The following NAPEPLD variants were observed in gnomAD, a reference collection of about 807,000 sequenced individuals.
NAPEPLD encodes the protein N-acyl-phosphatidylethanolamine-hydrolyzing phospholipase D.
A neutral mutation model predicts 38.1 loss-of-function variants in NAPEPLD; 23 were observed. The observed-to-expected ratio is 0.60, with a 90% CI of 0.43 to 0.86. The LOEUF (loss-of-function observed/expected upper bound fraction) is 0.86. Ranked by LOEUF, NAPEPLD falls within the 40% of genes least tolerant of loss-of-function variation. The pLI, the probability that NAPEPLD is intolerant of heterozygous loss-of-function variation, is 0.00. For missense variants in NAPEPLD, 411 were observed against 476.8 expected (o/e 0.86, Z 1.28); for synonymous variants, 147 against 162.0 (o/e 0.91, Z 0.71).
At position 103,141,561 on chromosome 7, in the gene NAPEPLD, C is replaced by T; in HGVS notation, c.-17+7250G>A. 4.2e-6 allele frequency: 5 copies of T among 1,180,834 alleles called. No homozygotes were observed. In the South Asian group the frequency reaches 6.0e-5, roughly 14 times the overall value. The allele number at this position is 1,180,834 out of a possible 1,614,324, so 73.1% of individuals were successfully genotyped here. A position where few individuals can be genotyped will look rare whatever the true frequency, so the allele number is the denominator to read the frequency against. ...TTGTTTTTTAACACATTCCTCTTCA[C>T]CTTCAGGTACAGGCTGTGATACATG... is the stretch of plus-strand genomic sequence containing the variant. On this transcript the variant is annotated intron_variant, in intron 1 of 4. Coordinates refer to ENST00000465647, the MANE Select transcript of NAPEPLD (RefSeq NM_001122838.3).
intron 2 of NAPEPLD, among the ~76,000 whole-genome samples, chr7:103,120,710 T>TTTC (rs1806497302): frequency 2.6e-5 from 3 of 114,040 alleles, no homozygotes; most frequent in South Asian, 3.2e-4. Flanking sequence ...TCTTTTTTTT[T>TTTC]TTTTTTTTTT....
chr7:103,127,661 T>C (rs1040192358), intron 2 of NAPEPLD: 1 of 151,632 alleles, frequency 6.6e-6, no homozygotes, highest in Non-Finnish European at 1.5e-5. Flanking sequence ...CTCAGGAAAA[T>C]GGCATTGAGA....
At chr7:103,131,425 A>G (rs1808917097) in intron 1 of NAPEPLD, among the ~76,000 whole-genome samples, 1 of 152,080 alleles carries the variant, frequency 6.6e-6, no homozygotes, top group African/African-American at 2.4e-5. Context: ...TCAGGAGGCC[A>G]AGGCAGATGA....
Position 103,103,415 on chromosome 7 carries a change from T to C in NAPEPLD, c.*14A>G. The C allele has an allele frequency of 6.5e-7, 1 of 1,535,652 alleles. No homozygotes were observed. The highest frequency in any genetic ancestry group is 2.4e-5 in the Admixed American group (1 of 42,404). On this transcript the variant is annotated 3_prime_UTR_variant, in exon 5 of 5. Transcript: ENST00000465647. Reference sequence around the variant, plus strand: ...TGATGCCTTTTTCATTAAAAGTGCCTGTGCTCACATTTATTAAAAGTTTTC... The same window carrying C: ...TGATGCCTTTTTCATTAAAAGTGCCCGTGCTCACATTTATTAAAAGTTTTC...
intron 2 of NAPEPLD, among the ~76,000 whole-genome samples, chr7:103,125,834 C>T (rs1039328208): frequency 1.3e-5 from 2 of 151,526 alleles, no homozygotes; most frequent in Non-Finnish European, 2.9e-5. Flanking sequence ...TTGCAGTGAG[C>T]CAAGATGGCG....
At chr7:103,145,173 AAAG>A (rs1812283810) in intron 1 of NAPEPLD, among the ~76,000 whole-genome samples, 1 of 152,246 alleles carries the variant, frequency 6.6e-6, no homozygotes, top group Admixed American at 6.5e-5. Flanking sequence ...TGAAGATTAT[AAAG>A]TAAGATGTGA....
upstream of NAPEPLD, chr7:103,149,143 C>A (rs1289944703): frequency 1.0e-6 from 1 of 988,978 alleles, no homozygotes; most frequent in African/African-American, 1.7e-5. Context: ...GCAGAGAGGT[C>A]ACAGAGCACA....
chr7:103,143,516 A>T (rs553197032), intron 1 of NAPEPLD, among the ~76,000 whole-genome samples: 3 of 152,294 alleles, frequency 2.0e-5, no homozygotes, highest in Middle Eastern at 3.4e-3. Context: ...ACTTTGAACA[A>T]TGTGATACGA....
Position 103,119,579 on chromosome 7 carries a change from C to T in NAPEPLD, c.939G>A (p.Pro313=), listed in dbSNP as rs148319078. Residue 313 remains proline (P), a splice_region_variant and synonymous_variant, in exon 3 of 5, where the codon CCG becomes CCA. Coordinates refer to ENST00000465647, the MANE Select transcript of NAPEPLD (RefSeq NM_001122838.3). ...GTTTTCTTTGGAAGTCTACATACCT[C>T]GGTTCATAAGCTCCGATGGGAATAG... ...LAAIPIGAYE[P]RWFMKYQHVD... 78 of 1,611,772 alleles carry T rather than the reference C, an allele frequency of 4.8e-5. No individual in the cohort carries two copies. Among genetic ancestry groups the T allele is most frequent in the Admixed American group, 6.7e-5 (4 of 59,730 alleles).
In NAPEPLD at chr7:103,131,876, G is replaced by A. The variant is rs577382100; in HGVS notation, c.-16-3084C>T. ...CATGCATGTAATCACAGCCATTTGG[G>A]AGGCCGAGGCGAGTGGATCACGAGG... On this transcript the variant is annotated intron_variant, in intron 1 of 4. Transcript: ENST00000465647. Among the ~76,000 whole-genome samples, 8 of 152,276 alleles carry A rather than the reference G, an allele frequency of 5.3e-5. No individual in the cohort carries two copies. In the East Asian group the frequency reaches 1.2e-3, roughly 22 times the overall value.
intron 3 of NAPEPLD, among the ~76,000 whole-genome samples, chr7:103,115,841 G>T (rs759552484): frequency 6.6e-6 from 1 of 152,156 alleles, no homozygotes; most frequent in Non-Finnish European, 1.5e-5. Context: ...TAGGGAATGG[G>T]TTAATGCAAA....
chr7:103,133,075 G>A (rs907753114), intron 1 of NAPEPLD, among the ~76,000 whole-genome samples: 1 of 151,986 alleles, frequency 6.6e-6, no homozygotes, highest in Admixed American at 6.6e-5. Flanking sequence ...CAAACAAAAC[G>A]AAAAAACCTC....
intron 2 of NAPEPLD, 175 bp downstream of exon 2, chr7:103,128,305 GGTT>G (rs1231895788): frequency 2.2e-5 from 15 of 674,198 alleles, no homozygotes; most frequent in Non-Finnish European, 2.5e-6. Context: ...ACCAGATCAG[GGTT>G]GGTTATTCCT....
At chr7:103,120,805 C>T (rs770071580) in intron 2 of NAPEPLD, among the ~76,000 whole-genome samples, 3 of 149,806 alleles carry the variant, frequency 2.0e-5, no homozygotes, top group Non-Finnish European at 4.4e-5. Flanking sequence ...CCACAACCCC[C>T]CAGGGTCAAG....
At chr7:103,112,714 G>A (rs544464246) in intron 4 of NAPEPLD, among the ~76,000 whole-genome samples, 24 of 151,538 alleles carry the variant, frequency 1.6e-4, no homozygotes, top group Non-Finnish European at 1.3e-4. Flanking sequence ...TAACAAACCT[G>A]TATGTTCTGC....
At chr7:103,119,439 T>C (rs1250126455) in intron 3 of NAPEPLD, 138 bp downstream of exon 3, 12 of 737,234 alleles carry the variant, frequency 1.6e-5, no homozygotes, top group Non-Finnish European at 2.0e-5. Context: ...GAATCTGACC[T>C]ACCAACCCCC....
chr7:103,105,658 G>A (rs1803156961), intron 4 of NAPEPLD, among the ~76,000 whole-genome samples: 2 of 152,196 alleles, frequency 1.3e-5, no homozygotes, highest in South Asian at 4.1e-4. Context: ...TAGAAGTCAT[G>A]GGTAACTGGC....
At chr7:103,136,646 T>C (rs1444984199) in intron 1 of NAPEPLD, among the ~76,000 whole-genome samples, 1 of 151,822 alleles carries the variant, frequency 6.6e-6, no homozygotes, top group Non-Finnish European at 1.5e-5. Flanking sequence ...AATAGGACCT[T>C]TTGATCCAAC....
chr7:103,133,877 A>G (rs1288916234), intron 1 of NAPEPLD, among the ~76,000 whole-genome samples: 1 of 152,226 alleles, frequency 6.6e-6, no homozygotes, highest in Non-Finnish European at 1.5e-5. Context: ...AGTGCTTTAA[A>G]ACTTGATAAA....
Sources: gnomAD v4.1 joint callset for allele counts (sites outside exome capture counted in the v4.1 genomes callset) on GRCh38, gnomAD v4.1.1 for gene constraint, MANE v1.5 for transcripts, NCBI Gene and HGNC (gene_info 2026-07-23, HGNC 2026-07-21) for gene names.